Variants in PDE7A observed in about 807,000 individuals in gnomAD.
The protein encoded by PDE7A is high affinity 3',5'-cyclic-AMP phosphodiesterase 7A.
In PDE7A, 39 loss-of-function variants were observed where a neutral mutation model predicts 64.3. The ratio of observed to expected loss-of-function variants is 0.61; its 90% CI spans 0.47 to 0.79. The LOEUF (loss-of-function observed/expected upper bound fraction) is 0.79. Ranked by LOEUF, PDE7A falls within the 30% of genes least tolerant of loss-of-function variation. The pLI is 0.00. For missense variants in PDE7A, 470 were observed against 582.8 expected (o/e 0.81, Z 1.99); for synonymous variants, 203 against 206.8 (o/e 0.98, Z 0.16).
At chr8:65,837,640 T>G (rs1424837396) in intron 1 of PDE7A, among the ~76,000 whole-genome samples, 1 of 152,248 alleles carries the variant, frequency 6.6e-6, no homozygotes, top group East Asian at 1.9e-4. Context: ...TTAACACCCA[T>G]GTGGTTGATC....
At chr8:65,720,803 C>T (rs1046562846) in intron 12 of PDE7A, among the ~76,000 whole-genome samples, 5 of 152,206 alleles carry the variant, frequency 3.3e-5, no homozygotes, top group African/African-American at 9.7e-5. Flanking sequence ...AAGCACACAG[C>T]GGCTTTCTGG....
At chr8:65,748,594 A>G (rs1807793582) in intron 3 of PDE7A, among the ~76,000 whole-genome samples, 2 of 152,216 alleles carry the variant, frequency 1.3e-5, no homozygotes, top group Non-Finnish European at 2.9e-5. Flanking sequence ...AACCAAATTC[A>G]GTAAAATGTT....
At chr8:65,813,671 TA>T (rs1475340789) in intron 1 of PDE7A, among the ~76,000 whole-genome samples, 1 of 152,256 alleles carries the variant, frequency 6.6e-6, no homozygotes, top group African/African-American at 2.4e-5. Context: ...TTTTTTAATG[TA>T]ATCTTTTTGA....
chr8:65,834,696 T>C (rs990799917), intron 1 of PDE7A, among the ~76,000 whole-genome samples: 3 of 152,128 alleles, frequency 2.0e-5, no homozygotes, highest in African/African-American at 7.2e-5. Context: ...GTCTTCTCCA[T>C]CTCCCTCTAG....
chr8:65,740,535 G>A (rs1167057021), intron 5 of PDE7A, among the ~76,000 whole-genome samples: 7 of 152,052 alleles, frequency 4.6e-5, no homozygotes, highest in Admixed American at 4.6e-4. Flanking sequence ...CGAGTAGCAG[G>A]GAGTACAGGC....
chr8:65,775,591 A>G (rs1158305774), intron 3 of PDE7A, among the ~76,000 whole-genome samples: 2 of 152,156 alleles, frequency 1.3e-5, no homozygotes, highest in African/African-American at 2.4e-5. Flanking sequence ...AATTTCTAGT[A>G]TCAGTGATCC....
intron 7 of PDE7A, among the ~76,000 whole-genome samples, chr8:65,730,165 G>A (rs577755718): frequency 1.9e-4 from 17 of 91,072 alleles, no homozygotes; most frequent in East Asian, 5.6e-4. Context: ...TCCAGGTTGC[G>A]CACTTCTTTT....
At chr8:65,729,364 CTTTTTTTTTT>C (rs10540107) in intron 7 of PDE7A, among the ~76,000 whole-genome samples, 5 of 80,076 alleles carry the variant, frequency 6.2e-5, no homozygotes, top group African/African-American at 1.0e-4. Context: ...TTGGTGGTAG[CTTTTTTTTTT>C]TTTTTTTTTT....
At chr8:65,786,989 A>G (rs1046242634) in intron 1 of PDE7A, among the ~76,000 whole-genome samples, 4 of 152,208 alleles carry the variant, frequency 2.6e-5, no homozygotes, top group Admixed American at 2.6e-4. Flanking sequence ...TCTTCCACAA[A>G]AGATTTGACT....
intron 6 of PDE7A, among the ~76,000 whole-genome samples, chr8:65,737,920 T>C (rs1014788581): frequency 6.6e-6 from 1 of 152,232 alleles, no homozygotes; most frequent in African/African-American, 2.4e-5. Context: ...CCTGAATAAT[T>C]TGTAATTTCT....
At chr8:65,765,305 C>T (rs1808716168) in intron 3 of PDE7A, among the ~76,000 whole-genome samples, 1 of 150,800 alleles carries the variant, frequency 6.6e-6, no homozygotes, top group Non-Finnish European at 1.5e-5. Context: ...CCGGCTAAAA[C>T]GGTGAAACCC....
At chr8:65,793,017 C>T (rs1809741406) in intron 1 of PDE7A, among the ~76,000 whole-genome samples, 1 of 151,944 alleles carries the variant, frequency 6.6e-6, no homozygotes. Context: ...AAAATCTTGA[C>T]ACTTTACCAA....
chr8:65,772,813 G>A (rs886968036), intron 3 of PDE7A, among the ~76,000 whole-genome samples: 7 of 152,046 alleles, frequency 4.6e-5, no homozygotes, highest in Non-Finnish European at 1.0e-4. Flanking sequence ...AGACCAGTCT[G>A]ACCAATATGG....
intron 3 of PDE7A, among the ~76,000 whole-genome samples, chr8:65,755,301 A>G (rs567526710): frequency 6.6e-6 from 1 of 152,228 alleles, no homozygotes; most frequent in Admixed American, 6.5e-5. Context: ...GATTACAGGC[A>G]TGAGCCATCA....
At chr8:65,757,733 C>G (rs1426146257) in intron 3 of PDE7A, among the ~76,000 whole-genome samples, 1 of 152,196 alleles carries the variant, frequency 6.6e-6, no homozygotes. Context: ...ATTCTTCTGC[C>G]TCAGCCTCCT....
chr8:65,810,946 A>C (rs1384818688), intron 1 of PDE7A, among the ~76,000 whole-genome samples: 1 of 152,206 alleles, frequency 6.6e-6, no homozygotes, highest in Non-Finnish European at 1.5e-5. Flanking sequence ...GTTTGCCCAC[A>C]TACAACCAAT....
intron 6 of PDE7A, among the ~76,000 whole-genome samples, chr8:65,738,177 A>T (rs977458918): frequency 7.2e-5 from 11 of 152,340 alleles, no homozygotes; most frequent in African/African-American, 2.6e-4. Flanking sequence ...TATACACCTT[A>T]ATTTAAAAGA....
chr8:65,810,016 TAA>T, intron 1 of PDE7A, among the ~76,000 whole-genome samples: 1 of 152,328 alleles, frequency 6.6e-6, no homozygotes. Flanking sequence ...CCAAGGATTA[TAA>T]GTCACGCTAC....
Position 65,739,611 on chromosome 8 carries a change from A to G in PDE7A, c.500-14T>C, listed in dbSNP as rs766235730. 6.6e-7 allele frequency: 1 copy of G among 1,507,002 alleles called. No individual in the cohort carries two copies. Among genetic ancestry groups the G allele is most frequent in the East Asian group, 2.5e-5 (1 of 40,508 alleles). 93.4% of individuals were successfully genotyped at this position (1,507,002 alleles called of 1,614,324 possible). ...CTAGACTATTTCCTAAAAAGAAAGA[A>G]GAGACATTACATTAGTAGGAAATAC... On this transcript the variant is annotated splice_polypyrimidine_tract_variant and intron_variant, in intron 5 of 12. Transcript: ENST00000401827.
Sources: gnomAD v4.1 joint callset for allele counts (sites outside exome capture counted in the v4.1 genomes callset) on GRCh38, gnomAD v4.1.1 for gene constraint, MANE v1.5 for transcripts, NCBI Gene and HGNC (gene_info 2026-07-23, HGNC 2026-07-21) for gene names.